The following TLE6 variants were observed in gnomAD, a reference collection of about 807,000 sequenced individuals.
TLE6 encodes the protein transducin-like enhancer protein 6.
A neutral mutation model predicts 77.1 loss-of-function variants in TLE6; 72 were observed. The ratio of observed to expected loss-of-function variants is 0.93; its 90% CI spans 0.77 to 1.14. The LOEUF is 1.14. TLE6 is among the 50% of genes most tolerant of loss of function. TLE6 has a pLI of 0.00. For synonymous variants in TLE6, 366 were observed against 287.3 expected, an observed-to-expected ratio of 1.27 and a Z score of -2.77; for missense variants, 843 against 747.6, an observed-to-expected ratio of 1.13 and a Z score of -1.49.
chr19:2,981,569 A>G lies in TLE6; in HGVS notation c.166A>G (p.Ser56Gly), dbSNP rs753050517. 3.2e-6 allele frequency: 5 copies of G among 1,551,388 alleles called. No homozygotes were observed. Among genetic ancestry groups the G allele is most frequent in the Non-Finnish European group, 4.4e-6 (5 of 1,146,924 alleles). ...FSPHFAAELE[S>G]IYYSLHKIQQ... ...TCCTCATTTTGCTGCGGAGTTGGAGAGCATTTACTACTCGGTGAGCCAGAC... is the reference window on the plus strand; with the variant it reads ...TCCTCATTTTGCTGCGGAGTTGGAGGGCATTTACTACTCGGTGAGCCAGAC... Residue 56 changes from serine (S) to glycine (G), a missense_variant, in exon 4 of 17, where the codon AGC (serine) becomes GGC (glycine). By Grantham distance (56) the Ser-to-Gly change is moderately conservative. Transcript: ENST00000246112.
chr19:2,990,595 G>C (rs952792204), intron 13 of TLE6, among the ~76,000 whole-genome samples: 1 of 148,166 alleles, frequency 6.7e-6, no homozygotes, highest in African/African-American at 2.5e-5. Flanking sequence ...GACAGAGCAA[G>C]ACTCTGTCTC....
chr19:2,989,217 G>C lies in TLE6; in HGVS notation c.897G>C (p.Arg299=). 1 of 1,614,120 alleles carries C rather than the reference G, an allele frequency of 6.2e-7. No individual in the cohort carries two copies. The highest frequency in any genetic ancestry group is 8.5e-7 in the Non-Finnish European group (1 of 1,180,038). The change falls in exon 12 of 17, where the codon CGG becomes CGC. Residue 299 remains arginine, a synonymous_variant. Coordinates refer to ENST00000246112, the MANE Select transcript of TLE6 (RefSeq NM_001143986.2). ...VLATAISSFT[R]HVFTCGRRGI... ...CCACGGCCATCAGCAGCTTCACGCG[G>C]CACGTGTTCACCTGTGGCAGAAGAG...
chr19:2,988,958 C>A, intron 11 of TLE6, 103 bp from the exon 12 acceptor site: 1 of 1,522,958 alleles, frequency 6.6e-7, no homozygotes, highest in Non-Finnish European at 8.8e-7. Context: ...AGAGAGGGAC[C>A]CCAAAATCTG....
intron 14 of TLE6, among the ~76,000 whole-genome samples, chr19:2,993,180 C>T (rs1265198863): frequency 6.6e-6 from 1 of 152,124 alleles, no homozygotes; most frequent in African/African-American, 2.4e-5. Context: ...CCATTGTACT[C>T]CAGCCCGGCA....
chr19:2,982,401 G>C (rs2088816503), intron 5 of TLE6, among the ~76,000 whole-genome samples: 1 of 152,010 alleles, frequency 6.6e-6, no homozygotes, highest in South Asian at 2.1e-4. Flanking sequence ...AGCCAGGCGT[G>C]GTGGCGGGCG....
chr19:2,993,114 G>A (rs991867307), intron 14 of TLE6, among the ~76,000 whole-genome samples: 1 of 151,584 alleles, frequency 6.6e-6, no homozygotes, highest in Non-Finnish European at 1.5e-5. Context: ...AAGAGGCTGA[G>A]GCGGGAGAAT....
rs138653633 is a variant in TLE6, at chr19:2,982,968, C to T, written c.222+779C>T. Among the ~76,000 whole-genome samples the T allele has an allele frequency of 3.5e-3, 527 of 152,202 alleles. 3 individuals are homozygous for T. Among genetic ancestry groups the T allele is most frequent in the African/African-American group, 0.012 (494 of 41,526 alleles). On this transcript the variant is annotated intron_variant, in intron 5 of 16. Transcript: ENST00000246112. ...GGAGCTCTGCATGGGAGGGGGCGCC[C>T]GGGCTCCCATCTCCCAGCCCAGGGC...
chr19:2,987,060 G>T lies in TLE6; in HGVS notation c.363G>T (p.Glu121Asp). 6.2e-7 allele frequency: 1 copy of T among 1,614,154 alleles called. No individual in the cohort carries two copies. ...AGACCCTGCAGGAGTCGAGCTTTGA[G>T]GACATCATGGCCACCAGGTCCTCCG... is the stretch of plus-strand genomic sequence containing the variant. ...KDKTLQESSFEDIMATRSSDW... is the reference protein window; with the variant it reads ...KDKTLQESSFDDIMATRSSDW... The change falls in exon 7 of 17, where the codon GAG (glutamate) becomes GAT (aspartate). Residue 121 changes from glutamate (E) to aspartate (D), a missense_variant. Glu to Asp is a conservative substitution (Grantham distance 45). Coordinates refer to ENST00000246112, the MANE Select transcript of TLE6 (RefSeq NM_001143986.2).
chr19:2,987,557 A>T, intron 8 of TLE6, 167 bp from the exon 9 acceptor site: 1 of 1,084,296 alleles, frequency 9.2e-7, no homozygotes, highest in Non-Finnish European at 1.4e-6. Flanking sequence ...CCCACAGCCC[A>T]GGGCTTCCAG....
rs576940533 is a variant in TLE6 at position 2,994,983 on chromosome 19, C to T, written c.1698C>T (p.Ser566=). The T allele has an allele frequency of 1.4e-4, 231 of 1,607,816 alleles. 1 individual carries two copies. In the South Asian group the frequency reaches 2.3e-3, roughly 16 times the overall value. ...LVVTGSGEHA[S]VYQITY ...TCACAGGCTCCGGGGAGCACGCCTC[C>T]GTGTACCAGATCACCTACTGAGGGG... The change falls in exon 17 of 17, where the codon TCC becomes TCT. Residue 566 remains serine, a synonymous_variant. Coordinates refer to ENST00000246112, the MANE Select transcript of TLE6 (RefSeq NM_001143986.2).
chr19:2,987,882 C>T lies in TLE6; in HGVS notation c.626-16C>T, dbSNP rs1252762264. 3.7e-6 allele frequency: 6 copies of T among 1,611,208 alleles called. No homozygotes were observed. Among genetic ancestry groups the T allele is most frequent in the Non-Finnish European group, 5.1e-6 (6 of 1,178,182 alleles). On this transcript the variant is annotated splice_polypyrimidine_tract_variant and intron_variant, in intron 9 of 16. Transcript: ENST00000246112. The stretch of plus-strand genomic sequence containing the variant: ...AGCCAATGCAAGCCGCTTAGCCCCT[C>T]TTGTCTCCCCACTAGCCCCCAGGCC...
At chr19:2,988,024 G>A in intron 10 of TLE6, 50 bp downstream of exon 10, 1 of 1,582,954 alleles carries the variant, frequency 6.3e-7, no homozygotes, top group Non-Finnish European at 8.6e-7. Context: ...TGCCCAGGGT[G>A]GGGTAGAGGA....
At chr19:2,985,121 G>A (rs1164391435) in intron 5 of TLE6, among the ~76,000 whole-genome samples, 1 of 151,816 alleles carries the variant, frequency 6.6e-6, no homozygotes, top group East Asian at 2.0e-4. Flanking sequence ...ATGGTGGCGG[G>A]TGCCTGTAAT....
At chr19:2,992,263 G>A (rs1196499991) in intron 14 of TLE6, among the ~76,000 whole-genome samples, 7 of 152,110 alleles carry the variant, frequency 4.6e-5, no homozygotes, top group Admixed American at 1.3e-4. Context: ...ACCTGAGGTC[G>A]GGAGTTCAAG....
rs143473767 is a variant in TLE6 at position 2,989,594 on chromosome 19, C to T, written c.1053C>T (p.Thr351=). The T allele has an allele frequency of 1.0e-3, 1,630 of 1,613,904 alleles. 32 individuals are homozygous for T. The South Asian group carries it at 0.017, about 17-fold the overall frequency. ...LLSSNSRSLL[T]GGYNLASVSV... ...CCTCAAACAGCAGGAGCCTGCTCAC[C>T]GGTGGCTACAACCTGGCCAGCGTGA... Residue 351 remains threonine, a synonymous_variant, in exon 13 of 17, where the codon ACC becomes ACT. Transcript: ENST00000246112.
At chr19:2,987,311 C>A in intron 7 of TLE6, 45 bp from the exon 8 acceptor site, 2 of 1,614,194 alleles carry the variant, frequency 1.2e-6, no homozygotes, top group Non-Finnish European at 1.7e-6. Flanking sequence ...GTGAACCCTG[C>A]TGTTCTCTCT....
intron 3 of TLE6, among the ~76,000 whole-genome samples, chr19:2,981,077 G>T (rs1376668130): frequency 6.6e-6 from 1 of 151,872 alleles, no homozygotes; most frequent in African/African-American, 2.4e-5. Context: ...AGAAAGTGGC[G>T]GGGCGCGGTG....
At position 2,980,122 on chromosome 19, in the gene TLE6, CTG is replaced by C. The variant is rs2088767402; in HGVS notation, c.75_76del (p.Ser27LeufsTer67). 13 of 1,550,694 alleles carry C rather than the reference CTG, an allele frequency of 8.4e-6. No homozygotes were observed. Among genetic ancestry groups the C allele is most frequent in the African/African-American group, 1.4e-5 (1 of 73,118 alleles). On this transcript the variant is annotated frameshift_variant, in exon 3 of 17. Coordinates refer to ENST00000246112, the MANE Select transcript of TLE6 (RefSeq NM_001143986.2). LOFTEE classifies it high-confidence loss of function. Reference sequence around the variant, plus strand: ...CAGCCTTGTCCTGGGATCTCGAACTCTGAGAGCTCTCCGACGCTGAATTATCA... The same window carrying C: ...CAGCCTTGTCCTGGGATCTCGAACTCAGAGCTCTCCGACGCTGAATTATCA...
chr19:2,983,151 G>C (rs934902244), intron 5 of TLE6, among the ~76,000 whole-genome samples: 2 of 152,216 alleles, frequency 1.3e-5, no homozygotes, highest in Admixed American at 6.5e-5. Context: ...GAGGAGGGGG[G>C]CAGCGAAGGG....
Sources: gnomAD v4.1 joint callset for allele counts (sites outside exome capture counted in the v4.1 genomes callset) on GRCh38, gnomAD v4.1.1 for gene constraint, MANE v1.5 for transcripts, NCBI Gene and HGNC (gene_info 2026-07-23, HGNC 2026-07-21) for gene names.